The following SANBR variants were observed in gnomAD, a reference collection of about 807,000 sequenced individuals.
The protein encoded by SANBR is SANT and BTB domain regulator of CSR.
Under a neutral mutation model 101.8 loss-of-function variants are expected in SANBR, and 77 were observed. The ratio of observed to expected loss-of-function variants is 0.76; its 90% confidence interval spans 0.63 to 0.91. SANBR has a LOEUF of 0.91. SANBR is among the 40% of genes least tolerant of loss of function. SANBR has a pLI of 0.00. For missense variants in SANBR, 875 were observed against 853.0 expected (o/e 1.03, Z -0.32); for synonymous variants, 279 against 274.7 (o/e 1.02, Z -0.15).
intron 20 of SANBR, 60 bp from the exon 21 acceptor site, chr2:61,121,125 A>T: frequency 1.7e-6 from 2 of 1,172,520 alleles, no homozygotes; most frequent in South Asian, 1.4e-5. Context: ...ATCCCATTTT[A>T]ATAAAGCAGA....
At chr2:61,077,288 T>C in intron 6 of SANBR, 130 bp downstream of exon 6, 2 of 690,774 alleles carry the variant, frequency 2.9e-6, no homozygotes, top group Non-Finnish European at 5.2e-6. Flanking sequence ...AACAGCCTTT[T>C]AGGAAACTGA....
In SANBR at chr2:61,109,677, G is replaced by GTTTTTTTTTTTTTTTTTTTTTTTTTTTT. The variant is rs1363427197; in HGVS notation, c.1744+384_1744+385insTTTTTTTTTTTTTTTTTTTTTTTTTTTT. Reference sequence around the variant, plus strand: ...TTAGTGGAAAGCATGTTTTTTTTGTGTTTGTTTTTTTTTTTTTTTTTTTGA... The same window carrying GTTTTTTTTTTTTTTTTTTTTTTTTTTTT: ...TTAGTGGAAAGCATGTTTTTTTTGTGTTTTTTTTTTTTTTTTTTTTTTTTTTTTTTTGTTTTTTTTTTTTTTTTTTTGA... On this transcript the variant is annotated intron_variant, in intron 16 of 21. Coordinates refer to ENST00000402291, the MANE Select transcript of SANBR (RefSeq NM_001129993.3). Among the ~76,000 whole-genome samples, 2 of 109,494 alleles carry GTTTTTTTTTTTTTTTTTTTTTTTTTTTT rather than the reference G, an allele frequency of 1.8e-5. 1 individual carries two copies. The allele number at this position is 109,494 out of a possible 152,430, so 71.8% of individuals were successfully genotyped here.
downstream of SANBR, among the ~76,000 whole-genome samples, chr2:61,126,662 C>T (rs778782056): frequency 1.1e-4 from 17 of 150,822 alleles, no homozygotes; most frequent in African/African-American, 3.4e-4. Context: ...ATTAGCTGGA[C>T]GTGGTGGCGG....
Position 61,106,662 on chromosome 2 carries a change from T to G in SANBR, c.1611T>G (p.Ala537=). ...GTCCCAAAACTGGGGAGCTCAATGC[T>G]GTGAGTAGTTTTTTTTCACTTATTC... is the stretch of plus-strand genomic sequence containing the variant. ...PWGPKTGELN[A]FLSLKNWTLQ... Residue 537 remains alanine (A), a splice_region_variant and synonymous_variant, in exon 14 of 22, where the codon GCT becomes GCG. Transcript: ENST00000402291. 6.5e-7 allele frequency: 1 copy of G among 1,534,508 alleles called. No individual in the cohort carries two copies. The highest frequency in any genetic ancestry group is 1.2e-5 in the South Asian group (1 of 81,990).
chr2:61,127,628 C>G (rs922164244), downstream of SANBR, among the ~76,000 whole-genome samples: 8 of 152,084 alleles, frequency 5.3e-5, no homozygotes, highest in African/African-American at 1.9e-4. Flanking sequence ...TGTTTTCCAT[C>G]CTTATATTTT....
intron 20 of SANBR, among the ~76,000 whole-genome samples, chr2:61,132,793 G>A (rs920163543): frequency 9.2e-5 from 14 of 152,086 alleles, no homozygotes; most frequent in African/African-American, 2.4e-4. Context: ...AGAAAATGTC[G>A]TATGTCTATA....
chr2:61,099,057 C>G (rs968245174), intron 12 of SANBR, among the ~76,000 whole-genome samples: 4 of 152,158 alleles, frequency 2.6e-5, no homozygotes, highest in African/African-American at 4.8e-5. Flanking sequence ...AAAGAGCATT[C>G]TAGTCAGAAC....
rs70959893 is a variant in SANBR, at chr2:61,072,821, C to CTTTTTT, written c.338-613_338-608dup. 1.2e-3 allele frequency among the ~76,000 whole-genome samples: 37 copies of CTTTTTT among 31,652 alleles called. 1 individual carries two copies. The highest frequency in any genetic ancestry group is 5.4e-3 in the East Asian group (3 of 556). The allele number at this position is 31,652 out of a possible 152,430, so 20.8% of individuals were successfully genotyped here. A position where few individuals can be genotyped will look rare whatever the true frequency, so the allele number is the denominator to read the frequency against. ...AGACTCTTGCTTGTCTCTCATGTTACTTTTTTTTTTTTTTTTTTTTTTTTT... is the reference window on the plus strand; with the variant it reads ...AGACTCTTGCTTGTCTCTCATGTTACTTTTTTTTTTTTTTTTTTTTTTTTTTTTTTT... On this transcript the variant is annotated intron_variant, in intron 4 of 21. Coordinates refer to ENST00000402291, the MANE Select transcript of SANBR (RefSeq NM_001129993.3).
intron 20 of SANBR, among the ~76,000 whole-genome samples, chr2:61,119,777 A>G (rs911071341): frequency 6.6e-6 from 1 of 151,956 alleles, no homozygotes; most frequent in Non-Finnish European, 1.5e-5. Context: ...GGGCGACATG[A>G]TGAAACCCTA....
intron 12 of SANBR, among the ~76,000 whole-genome samples, chr2:61,102,607 G>C: frequency 6.6e-6 from 1 of 151,014 alleles, no homozygotes. Flanking sequence ...GCACCATGTT[G>C]GCTCACTGCA....
At position 61,122,801 on chromosome 2, in the gene SANBR, A is replaced by G. The variant is rs1301646483; in HGVS notation, c.*639A>G. 2 of 985,216 alleles carry G rather than the reference A, an allele frequency of 2.0e-6. No individual in the cohort carries two copies. The highest frequency in any genetic ancestry group is 1.7e-5 in the African/African-American group (1 of 57,206). 61.0% of individuals were successfully genotyped at this position (985,216 alleles called of 1,614,324 possible). On this transcript the variant is annotated 3_prime_UTR_variant, in exon 22 of 22. Coordinates refer to ENST00000402291, the MANE Select transcript of SANBR (RefSeq NM_001129993.3). Reference sequence around the variant, plus strand: ...CAACTTTTTTTTCTTTCAGTTTTTAATGCTTATCTATTGATCATCTGAGCT... The same window carrying G: ...CAACTTTTTTTTCTTTCAGTTTTTAGTGCTTATCTATTGATCATCTGAGCT...
At chr2:61,114,875 T>C (rs1243062436) in intron 16 of SANBR, among the ~76,000 whole-genome samples, 1 of 152,206 alleles carries the variant, frequency 6.6e-6, no homozygotes, top group African/African-American at 2.4e-5. Context: ...CAGGATGTTC[T>C]TGAACTCCTA....
intron 7 of SANBR, among the ~76,000 whole-genome samples, chr2:61,082,185 C>T (rs1185981987): frequency 6.6e-6 from 1 of 152,072 alleles, no homozygotes; most frequent in Non-Finnish European, 1.5e-5. Flanking sequence ...TCTTTCTACT[C>T]CTTAGCTCTT....
intron 13 of SANBR, among the ~76,000 whole-genome samples, chr2:61,104,203 C>T (rs1336985690): frequency 1.3e-5 from 2 of 152,112 alleles, no homozygotes; most frequent in Non-Finnish European, 2.9e-5. Context: ...CTGGAGGTGG[C>T]TGGGCGCGGT....
chr2:61,083,051 A>C (rs979947215), intron 7 of SANBR, 103 bp from the exon 8 acceptor site: 12 of 909,508 alleles, frequency 1.3e-5, no homozygotes, highest in African/African-American at 5.0e-5. Context: ...GTGCCTAGCA[A>C]TATATGGATT....
At chr2:61,094,640 T>C (rs1166241661) in intron 11 of SANBR, among the ~76,000 whole-genome samples, 3 of 141,296 alleles carry the variant, frequency 2.1e-5, no homozygotes, top group African/African-American at 7.8e-5. Context: ...TTTCTCTTCT[T>C]TTTTTTTTTT....
intron 20 of SANBR, among the ~76,000 whole-genome samples, chr2:61,131,514 A>C (rs1684688671): frequency 6.6e-6 from 1 of 152,214 alleles, no homozygotes; most frequent in Non-Finnish European, 1.5e-5. Flanking sequence ...ATTCAAATAA[A>C]ATATTGTTGA....
intron 2 of SANBR, 76 bp from the exon 3 acceptor site, chr2:61,070,266 T>C: frequency 9.1e-7 from 1 of 1,094,744 alleles, no homozygotes. Context: ...AGGAATGAAT[T>C]ATAACTGATC....
intron 8 of SANBR, 33 bp from the exon 9 acceptor site, chr2:61,088,126 A>G (rs373600233): frequency 1.6e-6 from 2 of 1,242,726 alleles, no homozygotes; most frequent in African/African-American, 1.5e-5. Context: ...AGTAGTGTAG[A>G]AAATTAATAT....
Sources: allele counts gnomAD v4.1 joint callset (sites outside exome capture counted in the v4.1 genomes callset), GRCh38; gene constraint gnomAD v4.1.1; transcripts MANE v1.5; gene names NCBI Gene and HGNC (gene_info 2026-07-23, HGNC 2026-07-21).